CCSER2: variants seen among roughly 807,000 people sequenced by gnomAD.
The protein encoded by CCSER2 is coiled-coil serine rich protein 2.
Under a neutral mutation model 92.3 loss-of-function variants are expected in CCSER2, and 46 were observed. The observed-to-expected ratio is 0.50, with a 90% CI of 0.39 to 0.64. The LOEUF is 0.64. Among genes scored for constraint, CCSER2 ranks in the 30% least tolerant of loss-of-function variants. The probability of loss-of-function intolerance (pLI) is 0.00; values close to 1 mark genes in which losing one functional copy is unlikely to be tolerated. For synonymous variants in CCSER2, 433 were observed against 431.4 expected (o/e 1.00, Z -0.04); for missense variants, 1,244 against 1,238.9 (o/e 1.00, Z -0.06).
chr10:84,358,136 T>G (rs888124785), intron 1 of CCSER2, among the ~76,000 whole-genome samples: 5 of 152,188 alleles, frequency 3.3e-5, no homozygotes, highest in Admixed American at 1.3e-4. Context: ...TGGGTGAGGT[T>G]AGGGTCTAAA....
chr10:84,381,786 A>T (rs1301891732), intron 3 of CCSER2, among the ~76,000 whole-genome samples: 1 of 151,786 alleles, frequency 6.6e-6, no homozygotes, highest in Non-Finnish European at 1.5e-5. Context: ...AAATAAGCCG[A>T]GTGTGGTGGC....
chr10:84,436,309 G>A (rs1299002621), intron 5 of CCSER2, among the ~76,000 whole-genome samples: 3 of 107,248 alleles, frequency 2.8e-5, no homozygotes, highest in South Asian at 3.3e-4. Context: ...CTGGGCGACA[G>A]AGCGAGACTC....
chr10:84,505,650 G>T (rs1849001236), intron 9 of CCSER2, among the ~76,000 whole-genome samples: 1 of 151,820 alleles, frequency 6.6e-6, no homozygotes. Flanking sequence ...TTTAAATATG[G>T]TTAACATCAA....
At chr10:84,341,665 C>T (rs1443323173) in intron 1 of CCSER2, among the ~76,000 whole-genome samples, 6 of 152,020 alleles carry the variant, frequency 3.9e-5, no homozygotes, top group South Asian at 2.1e-4. Flanking sequence ...CACAAGATGG[C>T]GCCATCCCCC....
At chr10:84,448,944 T>C (rs543316926) in intron 6 of CCSER2, among the ~76,000 whole-genome samples, 9 of 152,262 alleles carry the variant, frequency 5.9e-5, no homozygotes, top group Non-Finnish European at 1.2e-4. Flanking sequence ...GACTCCATTC[T>C]ACATATATGT....
In CCSER2 at chr10:84,389,507, G is replaced by C. The variant is rs114428517; in HGVS notation, c.1614+15692G>C. On this transcript the variant is annotated intron_variant, in intron 3 of 9. Coordinates refer to ENST00000372088, the MANE Select transcript of CCSER2 (RefSeq NM_001284240.2). The stretch of plus-strand genomic sequence containing the variant: ...CACTGTAATTCTCAGATCCTTCGAG[G>C]TACTGGTTGCCCTGGGGGCCGATCT... 1,889 of 281,600 alleles carry C rather than the reference G, an allele frequency of 6.7e-3. 37 individuals are homozygous for C. Among genetic ancestry groups the C allele is most frequent in the African/African-American group, 0.04 (1,745 of 43,778 alleles). The allele number at this position is 281,600 out of a possible 1,614,324, so 17.4% of individuals were successfully genotyped here. A position where few individuals can be genotyped will look rare whatever the true frequency, so the allele number is the denominator to read the frequency against.
chr10:84,498,046 G>A (rs1326990143), intron 9 of CCSER2, among the ~76,000 whole-genome samples: 2 of 152,210 alleles, frequency 1.3e-5, no homozygotes, highest in African/African-American at 2.4e-5. Context: ...AAGTTTCCCT[G>A]ATTCCAAGGT....
In CCSER2 at chr10:84,514,904, C is replaced by G. The variant is rs1020737718; in HGVS notation, c.*637C>G. 6.5e-6 allele frequency: 1 copy of G among 152,696 alleles called. No individual in the cohort carries two copies. Among genetic ancestry groups the G allele is most frequent in the African/African-American group, 2.4e-5 (1 of 41,454 alleles). 9.5% of individuals were successfully genotyped at this position (152,696 alleles called of 1,614,324 possible). On this transcript the variant is annotated 3_prime_UTR_variant, in exon 10 of 10. Transcript: ENST00000372088. ...CAAATTCCCCAGACTGAAAGTGTTT[C>G]TTATTACATATAAATCAGTTATATA...
intron 9 of CCSER2, among the ~76,000 whole-genome samples, chr10:84,492,784 C>T (rs779508814): frequency 1.3e-5 from 2 of 152,158 alleles, no homozygotes; most frequent in Non-Finnish European, 2.9e-5. Context: ...GTAAACTAAT[C>T]TCATAGGCCT....
chr10:84,398,562 C>T (rs1021698370), intron 3 of CCSER2, among the ~76,000 whole-genome samples: 2 of 152,090 alleles, frequency 1.3e-5, no homozygotes, highest in Non-Finnish European at 2.9e-5. Flanking sequence ...ACATGCTTTC[C>T]TACTCATTTC....
At chr10:84,332,706 C>A (rs1048633671) in intron 1 of CCSER2, among the ~76,000 whole-genome samples, 1 of 151,634 alleles carries the variant, frequency 6.6e-6, no homozygotes, top group East Asian at 1.9e-4. Flanking sequence ...AATCTCAGCA[C>A]TTTGGGAGGG....
At chr10:84,465,229 T>C (rs982508363) in intron 7 of CCSER2, among the ~76,000 whole-genome samples, 1 of 139,076 alleles carries the variant, frequency 7.2e-6, no homozygotes, top group Non-Finnish European at 1.5e-5. Context: ...AGTTGACCTC[T>C]TTCCTGAATT....
At chr10:84,403,913 C>T (rs1365192289) in intron 3 of CCSER2, among the ~76,000 whole-genome samples, 1 of 152,102 alleles carries the variant, frequency 6.6e-6, no homozygotes, top group Non-Finnish European at 1.5e-5. Flanking sequence ...TAGAAGATAA[C>T]AAATGAGAGA....
At chr10:84,413,695 CTT>C (rs757381078) in intron 3 of CCSER2, among the ~76,000 whole-genome samples, 11 of 152,112 alleles carry the variant, frequency 7.2e-5, no homozygotes, top group Non-Finnish European at 1.5e-4. Flanking sequence ...TCCTGAATAT[CTT>C]TGTTAAATTT....
chr10:84,509,871 G>C (rs1302074809), intron 9 of CCSER2, among the ~76,000 whole-genome samples: 3 of 152,124 alleles, frequency 2.0e-5, no homozygotes, highest in African/African-American at 7.2e-5. Context: ...TTGGATACAA[G>C]CCAATACCTC....
intron 7 of CCSER2, among the ~76,000 whole-genome samples, chr10:84,466,483 T>A (rs1291386781): frequency 2.0e-5 from 3 of 151,784 alleles, no homozygotes; most frequent in African/African-American, 4.8e-5. Flanking sequence ...TCCTGCCTTC[T>A]TGCTTTCTTT....
At chr10:84,336,778 T>C (rs1843861295) in intron 1 of CCSER2, among the ~76,000 whole-genome samples, 1 of 152,230 alleles carries the variant, frequency 6.6e-6, no homozygotes, top group African/African-American at 2.4e-5. Context: ...AGTAGAACTC[T>C]CAGCTGCTAT....
chr10:84,390,466 G>A (rs12221231), intron 3 of CCSER2, among the ~76,000 whole-genome samples: 24,065 of 152,130 alleles, frequency 0.16, 1,936 homozygotes, highest in South Asian at 0.19. Flanking sequence ...TTACCTTACT[G>A]AATACTGTAG....
At chr10:84,356,550 C>T (rs557996526) in intron 1 of CCSER2, among the ~76,000 whole-genome samples, 2 of 152,016 alleles carry the variant, frequency 1.3e-5, no homozygotes, top group South Asian at 2.1e-4. Flanking sequence ...ATGTTTTATG[C>T]CAAAAGTTTT....
Sources: allele counts gnomAD v4.1 joint callset (sites outside exome capture counted in the v4.1 genomes callset), GRCh38; gene constraint gnomAD v4.1.1; transcripts MANE v1.5; gene names NCBI Gene and HGNC (gene_info 2026-07-23, HGNC 2026-07-21).